SLC25A21: variants seen among roughly 807,000 people sequenced by gnomAD.
The protein encoded by SLC25A21 is mitochondrial 2-oxodicarboxylate carrier.
SLC25A21 carries 47 observed loss-of-function variants against 43.8 expected under a neutral mutation model. The observed-to-expected ratio is 1.07, with a 90% confidence interval of 0.85 to 1.37. The LOEUF (loss-of-function observed/expected upper bound fraction) is 1.37, where lower values mean the gene tolerates loss of function less well. Ranked by LOEUF, SLC25A21 falls within the 40% of genes most tolerant of loss-of-function variation. The pLI is 0.00. For missense variants in SLC25A21, 352 were observed against 350.2 expected, an observed-to-expected ratio of 1.00 and a Z score of -0.04; for synonymous variants, 131 against 121.3, an observed-to-expected ratio of 1.08 and a Z score of -0.52.
chr14:37,129,674 TAA>T (rs5807931), intron 1 of SLC25A21, among the ~76,000 whole-genome samples: 21 of 136,478 alleles, frequency 1.5e-4, no homozygotes, highest in Middle Eastern at 3.8e-3. Flanking sequence ...TAACAGTTAT[TAA>T]AAAAAAAAAA....
chr14:37,011,648 T>C (rs1960734822), intron 1 of SLC25A21, among the ~76,000 whole-genome samples: 1 of 152,180 alleles, frequency 6.6e-6, no homozygotes. Flanking sequence ...ACTACCACCA[T>C]CATTATCTCA....
intron 1 of SLC25A21, among the ~76,000 whole-genome samples, chr14:36,904,304 T>A (rs141874183): frequency 2.4e-4 from 36 of 152,308 alleles, no homozygotes; most frequent in Non-Finnish European, 5.9e-5. Context: ...CAAAGGGCCA[T>A]CTAGTTTTGT....
chr14:37,000,699 G>C (rs1039876618), intron 1 of SLC25A21, among the ~76,000 whole-genome samples: 1 of 152,160 alleles, frequency 6.6e-6, no homozygotes, highest in African/African-American at 2.4e-5. Flanking sequence ...GACCTGGTGC[G>C]AGGTGATTGG....
intron 1 of SLC25A21, among the ~76,000 whole-genome samples, chr14:37,043,193 C>A (rs1961511252): frequency 6.6e-6 from 1 of 152,184 alleles, no homozygotes; most frequent in Admixed American, 6.5e-5. Context: ...CTAGTTCAGA[C>A]AGGACCCATT....
chr14:36,800,797 C>T (rs761173331), intron 3 of SLC25A21, among the ~76,000 whole-genome samples: 5 of 152,014 alleles, frequency 3.3e-5, no homozygotes, highest in Non-Finnish European at 5.9e-5. Context: ...TCTGATAATT[C>T]CAAAATTTGA....
chr14:36,899,993 G>A (rs1250869608), intron 1 of SLC25A21, among the ~76,000 whole-genome samples: 1 of 152,110 alleles, frequency 6.6e-6, no homozygotes, highest in Non-Finnish European at 1.5e-5. Context: ...TTGGTTGTAT[G>A]AGAGAAAATT....
intron 1 of SLC25A21, among the ~76,000 whole-genome samples, chr14:36,885,338 C>T (rs887423410): frequency 2.0e-5 from 3 of 152,076 alleles, no homozygotes; most frequent in African/African-American, 7.2e-5. Flanking sequence ...GTTTTTATGC[C>T]AGTACCATGC....
chr14:36,790,667 A>G (rs562085561), intron 3 of SLC25A21, among the ~76,000 whole-genome samples: 3 of 152,160 alleles, frequency 2.0e-5, no homozygotes, highest in Non-Finnish European at 4.4e-5. Flanking sequence ...AGGTATGAAA[A>G]TAAGTCCTCT....
At chr14:36,860,044 C>T (rs1035941923) in intron 2 of SLC25A21, among the ~76,000 whole-genome samples, 1 of 151,720 alleles carries the variant, frequency 6.6e-6, no homozygotes, top group Admixed American at 6.6e-5. Context: ...AGCCTACACT[C>T]CAATGGAAGT....
intron 1 of SLC25A21, among the ~76,000 whole-genome samples, chr14:37,121,496 T>G (rs1963207108): frequency 6.6e-6 from 1 of 152,102 alleles, no homozygotes; most frequent in African/African-American, 2.4e-5. Context: ...TTGTTTTAAG[T>G]GCAGATTCTG....
chr14:37,016,326 C>A (rs1364071214), intron 1 of SLC25A21, among the ~76,000 whole-genome samples: 1 of 152,102 alleles, frequency 6.6e-6, no homozygotes, highest in African/African-American at 2.4e-5. Context: ...TTGTTTTTCT[C>A]AGATTTGTCA....
chr14:37,082,262 C>T (rs1962402626), intron 1 of SLC25A21, among the ~76,000 whole-genome samples: 1 of 152,182 alleles, frequency 6.6e-6, no homozygotes. Context: ...TAAGAAAAAA[C>T]TACCCATAAG....
chr14:37,022,766 T>C (rs544758677), intron 1 of SLC25A21, among the ~76,000 whole-genome samples: 95 of 152,186 alleles, frequency 6.2e-4, no homozygotes, highest in Non-Finnish European at 1.0e-3. Context: ...AACCTTTGAC[T>C]ATGCCCAAAT....
chr14:36,738,836 T>C (rs115679131), intron 3 of SLC25A21, among the ~76,000 whole-genome samples: 2,200 of 152,304 alleles, frequency 0.014, 53 homozygotes, highest in African/African-American at 0.05. Flanking sequence ...TAAGTAAAAA[T>C]AGACAAATCT....
chr14:36,862,430 T>A (rs1032997113), intron 2 of SLC25A21, among the ~76,000 whole-genome samples: 1 of 152,060 alleles, frequency 6.6e-6, no homozygotes. Flanking sequence ...TATGCAGCCA[T>A]AAAAAAGAAT....
chr14:37,158,944 T>C (rs908524562), intron 1 of SLC25A21, among the ~76,000 whole-genome samples: 1 of 152,076 alleles, frequency 6.6e-6, no homozygotes, highest in African/African-American at 2.4e-5. Context: ...CTAATAGTTA[T>C]CTAGCCAAGA....
chr14:36,776,571 T>C (rs1475576187), intron 3 of SLC25A21, among the ~76,000 whole-genome samples: 1 of 152,044 alleles, frequency 6.6e-6, no homozygotes, highest in Non-Finnish European at 1.5e-5. Flanking sequence ...CTATAATCAC[T>C]GGAGAATATC....
chr14:37,162,596 A>G (rs1381929182), intron 1 of SLC25A21, among the ~76,000 whole-genome samples: 3 of 152,206 alleles, frequency 2.0e-5, no homozygotes, highest in Non-Finnish European at 2.9e-5. Context: ...ATGAGATACC[A>G]TCTCACACCA....
At chr14:36,761,077 T>G (rs536784428) in intron 3 of SLC25A21, among the ~76,000 whole-genome samples, 1 of 152,344 alleles carries the variant, frequency 6.6e-6, no homozygotes, top group South Asian at 2.1e-4. Flanking sequence ...GCCACAGAGA[T>G]ATTCCTCTTC....
Sources: allele counts gnomAD v4.1 joint callset (sites outside exome capture counted in the v4.1 genomes callset), GRCh38; gene constraint gnomAD v4.1.1; transcripts MANE v1.5; gene names NCBI Gene and HGNC (gene_info 2026-07-23, HGNC 2026-07-21).